Variants in KCNQ3 observed in about 807,000 individuals in gnomAD.
KCNQ3 encodes the protein potassium voltage-gated channel subfamily KQT member 3.
KCNQ3 carries 30 observed loss-of-function variants against 92.5 expected under a neutral mutation model. That is an observed-to-expected ratio of 0.32 (90% confidence interval 0.24 to 0.44). The LOEUF is 0.44. Ranked by LOEUF, KCNQ3 falls within the 20% of genes least tolerant of loss-of-function variation. KCNQ3 has a pLI of 1.00. For synonymous variants in KCNQ3, 450 were observed against 468.8 expected (o/e 0.96, Z 0.52); for missense variants, 913 against 1,140.3 (o/e 0.80, Z 2.87).
intron 1 of KCNQ3, among the ~76,000 whole-genome samples, chr8:132,286,507 T>C (rs1310983257): frequency 5.9e-5 from 9 of 152,216 alleles, no homozygotes; most frequent in African/African-American, 2.2e-4. Flanking sequence ...ATTTTAGAAG[T>C]AGACAACTTG....
chr8:132,311,243 C>T (rs566725539), intron 1 of KCNQ3, among the ~76,000 whole-genome samples: 128 of 152,264 alleles, frequency 8.4e-4, no homozygotes, highest in African/African-American at 2.8e-3. Flanking sequence ...ATTCTGACAA[C>T]GTTTATTGAA....
chr8:132,169,710 GC>G (rs1407096210), intron 8 of KCNQ3, among the ~76,000 whole-genome samples: 1 of 152,140 alleles, frequency 6.6e-6, no homozygotes. Context: ...GCTACTCCAT[GC>G]CACTCTGTGC....
At chr8:132,133,081 C>T (rs1013548035) in intron 13 of KCNQ3, among the ~76,000 whole-genome samples, 2 of 152,082 alleles carry the variant, frequency 1.3e-5, no homozygotes, top group African/African-American at 2.4e-5. Flanking sequence ...TTGGCCTGCA[C>T]GGGGTTTTAA....
intron 1 of KCNQ3, among the ~76,000 whole-genome samples, chr8:132,379,404 G>A (rs542829206): frequency 1.3e-5 from 2 of 152,074 alleles, no homozygotes; most frequent in African/African-American, 4.8e-5. Context: ...TTGTTCAGTT[G>A]AGGGTCTAAG....
At chr8:132,207,425 A>C (rs1270045170) in intron 1 of KCNQ3, among the ~76,000 whole-genome samples, 1 of 152,228 alleles carries the variant, frequency 6.6e-6, no homozygotes, top group Non-Finnish European at 1.5e-5. Flanking sequence ...CACTTCTTAT[A>C]AGATTGCCAG....
intron 1 of KCNQ3, among the ~76,000 whole-genome samples, chr8:132,455,382 T>C (rs1447478287): frequency 6.6e-6 from 1 of 152,026 alleles, no homozygotes; most frequent in Non-Finnish European, 1.5e-5. Flanking sequence ...GCTGGGATTA[T>C]AGGCGTAAGC....
intron 1 of KCNQ3, among the ~76,000 whole-genome samples, chr8:132,327,887 C>A (rs912684501): frequency 1.3e-5 from 2 of 152,062 alleles, no homozygotes; most frequent in Admixed American, 1.3e-4. Flanking sequence ...GTACAGAGGA[C>A]CCCACCTGTA....
Position 132,180,143 on chromosome 8 carries a change from T to C in KCNQ3, c.777+14A>G, listed in dbSNP as rs1826706944. Reference sequence around the variant, plus strand: ...GAAGCCCATGTGGTCCTGCAGTTTCTCCACCACACTTACTTTGCTGTGGGC... The same window carrying C: ...GAAGCCCATGTGGTCCTGCAGTTTCCCCACCACACTTACTTTGCTGTGGGC... On this transcript the variant is annotated intron_variant, in intron 4 of 14. Coordinates refer to ENST00000388996, the MANE Select transcript of KCNQ3 (RefSeq NM_004519.4). 6.2e-7 allele frequency: 1 copy of C among 1,613,874 alleles called. No individual in the cohort carries two copies. Among genetic ancestry groups the C allele is most frequent in the African/African-American group, 1.3e-5 (1 of 75,042 alleles).
intron 1 of KCNQ3, among the ~76,000 whole-genome samples, chr8:132,401,337 T>A (rs936208375): frequency 7.2e-5 from 11 of 152,034 alleles, no homozygotes; most frequent in South Asian, 4.1e-4. Flanking sequence ...TTTATCCCCA[T>A]GAATACGGAT....
intron 8 of KCNQ3, among the ~76,000 whole-genome samples, chr8:132,168,079 A>G (rs1482803844): frequency 6.6e-6 from 1 of 152,202 alleles, no homozygotes; most frequent in Non-Finnish European, 1.5e-5. Flanking sequence ...CCATTCTTTT[A>G]TTGAAGACTT....
In KCNQ3 at chr8:132,387,410, G is replaced by T. The variant is rs147017888; in HGVS notation, c.386+92737C>A. 4.8e-3 allele frequency among the ~76,000 whole-genome samples: 731 copies of T among 152,176 alleles called. 4 individuals carry two copies. The highest frequency in any genetic ancestry group is 0.016 in the African/African-American group (682 of 41,526). ...CATAGAAAGATACTTTCTTAATATG[G>T]CAAGAATTATTTGAAACCAATAGGA... On this transcript the variant is annotated intron_variant, in intron 1 of 14. Coordinates refer to ENST00000388996, the MANE Select transcript of KCNQ3 (RefSeq NM_004519.4).
At chr8:132,475,620 C>A (rs1328559733) in intron 1 of KCNQ3, among the ~76,000 whole-genome samples, 1 of 152,190 alleles carries the variant, frequency 6.6e-6, no homozygotes, top group Admixed American at 6.5e-5. Flanking sequence ...GCAAAGCATT[C>A]AAGAGTTAAC....
chr8:132,458,327 C>T (rs770008259), intron 1 of KCNQ3, among the ~76,000 whole-genome samples: 1 of 152,266 alleles, frequency 6.6e-6, no homozygotes, highest in Non-Finnish European at 1.5e-5. Flanking sequence ...TCTGCTTTAG[C>T]ATTGCAGTGG....
At chr8:132,370,537 C>T (rs185408460) in intron 1 of KCNQ3, among the ~76,000 whole-genome samples, 6 of 152,112 alleles carry the variant, frequency 3.9e-5, no homozygotes, top group Admixed American at 2.6e-4. Context: ...CCATTAGAGC[C>T]CCGTATTTTC....
At chr8:132,282,585 C>T (rs1199660157) in intron 1 of KCNQ3, among the ~76,000 whole-genome samples, 1 of 152,138 alleles carries the variant, frequency 6.6e-6, no homozygotes, top group Non-Finnish European at 1.5e-5. Flanking sequence ...TTTGCATTTT[C>T]CCTCCTGCTC....
intron 1 of KCNQ3, among the ~76,000 whole-genome samples, chr8:132,357,092 A>G (rs1333284297): frequency 6.6e-6 from 1 of 152,236 alleles, no homozygotes; most frequent in Non-Finnish European, 1.5e-5. Context: ...GAGGACCAAA[A>G]ACATCTTGAA....
At chr8:132,236,738 G>A (rs746484900) in intron 1 of KCNQ3, among the ~76,000 whole-genome samples, 21 of 152,164 alleles carry the variant, frequency 1.4e-4, no homozygotes, top group Non-Finnish European at 2.1e-4. Flanking sequence ...TAACTGGGTG[G>A]GTCTGACTTT....
Position 132,426,225 on chromosome 8 carries a change from G to GC in KCNQ3, c.386+53921dup, listed in dbSNP as rs2098208541. On this transcript the variant is annotated intron_variant, in intron 1 of 14. Coordinates refer to ENST00000388996, the MANE Select transcript of KCNQ3 (RefSeq NM_004519.4). The stretch of plus-strand genomic sequence containing the variant: ...GCTGCCTTGACATCTGGTGAAACTG[G>GC]CAGGGCCTCAGATGGCCTAACTGAA... Among the ~76,000 whole-genome samples the GC allele has an allele frequency of 1.1e-4, 17 of 152,212 alleles. No homozygotes were observed. In the South Asian group the frequency reaches 3.3e-3, roughly 30 times the overall value.
At chr8:132,186,687 T>C (rs1285819529) in intron 1 of KCNQ3, 3 of 277,444 alleles carry the variant, frequency 1.1e-5, no homozygotes, top group African/African-American at 4.5e-5. Flanking sequence ...TCACCAAGTA[T>C]GAATATTGTT....
Sources: allele counts gnomAD v4.1 joint callset (sites outside exome capture counted in the v4.1 genomes callset), GRCh38; gene constraint gnomAD v4.1.1; transcripts MANE v1.5; gene names NCBI Gene and HGNC (gene_info 2026-07-23, HGNC 2026-07-21).